QTGAL: variants seen among roughly 807,000 people sequenced by gnomAD.
QTGAL encodes queuosine-tRNA galactosyltransferase, also known as BGnT-like protein 1.
the QTGAL span, chr17:83,014,518 T>C: frequency 6.2e-7 from 1 of 1,614,038 alleles, no homozygotes; most frequent in Non-Finnish European, 8.5e-7. Context: ...CATGACGTCA[T>C]CCTGCAGTAA....
chr17:83,037,864 A>C, the QTGAL span, among the ~76,000 whole-genome samples: 1 of 152,160 alleles, frequency 6.6e-6, no homozygotes, highest in South Asian at 2.1e-4. This position sits in a 1 kb window ranked among gnomAD's most constrained non-coding sequence, Gnocchi z 5.2. Context: ...CTTTAATATT[A>C]TTGCCTTGAA....
the QTGAL span, among the ~76,000 whole-genome samples, chr17:82,972,411 T>C: frequency 3.2e-4 from 37 of 117,194 alleles, no homozygotes; most frequent in African/African-American, 3.9e-4. Context: ...TAGAAGGACC[T>C]GGTGCCGACC....
chr17:83,013,926 A>T, the QTGAL span, among the ~76,000 whole-genome samples: 1 of 152,124 alleles, frequency 6.6e-6, no homozygotes, highest in African/African-American at 2.4e-5. Context: ...AGCTCCAGGG[A>T]TCCCTGGGCC....
At chr17:83,025,790 G>A in the QTGAL span, among the ~76,000 whole-genome samples, 3 of 152,242 alleles carry the variant, frequency 2.0e-5, no homozygotes, top group Non-Finnish European at 2.9e-5. Flanking sequence ...GGGTTTCTCC[G>A]ACGGCACCAC....
chr17:83,008,138 C>T, the QTGAL span, among the ~76,000 whole-genome samples: 1 of 142,330 alleles, frequency 7.0e-6, no homozygotes, highest in Admixed American at 6.8e-5. Flanking sequence ...GTCAGATTCT[C>T]AGGGCAGGAG....
At chr17:82,959,363 G>A in the QTGAL span, among the ~76,000 whole-genome samples, 3 of 150,046 alleles carry the variant, frequency 2.0e-5, no homozygotes, top group African/African-American at 5.0e-5. Flanking sequence ...GTGTGTGCAC[G>A]TGAGTGCGTG....
the QTGAL span, among the ~76,000 whole-genome samples, chr17:83,051,417 C>T: frequency 1.3e-5 from 2 of 152,100 alleles, no homozygotes; most frequent in South Asian, 2.1e-4. Flanking sequence ...GGGGAACTGC[C>T]TGAGCTCCGA....
chr17:82,946,402 T>C, the QTGAL span, among the ~76,000 whole-genome samples: 10 of 152,220 alleles, frequency 6.6e-5, no homozygotes, highest in South Asian at 2.1e-3. Flanking sequence ...TGATAGAACT[T>C]TCCTACATTT....
chr17:83,021,304 CAT>C, the QTGAL span, among the ~76,000 whole-genome samples: 2 of 150,028 alleles, frequency 1.3e-5, no homozygotes, highest in South Asian at 2.2e-4. Context: ...TCACAGGTGA[CAT>C]AATCATTTCA....
chr17:82,983,516 A>C, the QTGAL span, among the ~76,000 whole-genome samples: 2 of 152,176 alleles, frequency 1.3e-5, no homozygotes, highest in African/African-American at 4.8e-5. Flanking sequence ...CCAGCCCCAC[A>C]CAGAACCATG....
At chr17:83,002,251 C>T in the QTGAL span, among the ~76,000 whole-genome samples, 1 of 152,250 alleles carries the variant, frequency 6.6e-6, no homozygotes, top group South Asian at 2.1e-4. Context: ...GCAGCTCAGC[C>T]ATGGCCTCCG....
chr17:82,970,072 G>A, the QTGAL span, among the ~76,000 whole-genome samples: 5 of 152,296 alleles, frequency 3.3e-5, no homozygotes, highest in East Asian at 3.9e-4. Context: ...GGATAACTTC[G>A]AGCAACCTAC....
At chr17:82,970,756 T>G in the QTGAL span, among the ~76,000 whole-genome samples, 1 of 151,536 alleles carries the variant, frequency 6.6e-6, no homozygotes, top group Non-Finnish European at 1.5e-5. Context: ...AGGTCCTCCG[T>G]GGGCTGTGAG....
the QTGAL span, among the ~76,000 whole-genome samples, chr17:82,975,266 G>A: frequency 9.7e-5 from 3 of 30,830 alleles, no homozygotes; most frequent in East Asian, 8.4e-4. Flanking sequence ...CCCAGGGGCC[G>A]GAGGCCACTT....
the QTGAL span, among the ~76,000 whole-genome samples, chr17:82,972,242 G>A: frequency 1.8e-5 from 2 of 109,762 alleles, 1 homozygote; most frequent in Non-Finnish European, 3.7e-5. Context: ...CACTCATAGG[G>A]GCCAGAAGGA....
chr17:82,976,031 G>A, the QTGAL span, among the ~76,000 whole-genome samples: 21 of 72,500 alleles, frequency 2.9e-4, 1 homozygote, highest in African/African-American at 3.4e-4. Flanking sequence ...CGAGGGCCCC[G>A]GGACAGAGCC....
At chr17:82,966,083 CTTTTTTTT>C in the QTGAL span, among the ~76,000 whole-genome samples, 6 of 141,136 alleles carry the variant, frequency 4.3e-5, no homozygotes, top group South Asian at 1.1e-3. Context: ...CTGATTTTTA[CTTTTTTTT>C]TTTTTTTGTA....
the QTGAL span, chr17:82,965,599 G>T: frequency 6.7e-7 from 1 of 1,498,452 alleles, no homozygotes; most frequent in Non-Finnish European, 9.1e-7. Flanking sequence ...CACACACAGA[G>T]ACAGGGCCCC....
the QTGAL span, among the ~76,000 whole-genome samples, chr17:83,017,847 G>A: frequency 4.9e-5 from 7 of 143,854 alleles, no homozygotes; most frequent in Non-Finnish European, 7.5e-5. Flanking sequence ...CCACAAACAC[G>A]GTGTGCCTGT....
Sources: allele counts gnomAD v4.1 joint callset (sites outside exome capture counted in the v4.1 genomes callset), GRCh38; gene constraint gnomAD v4.1.1; non-coding constraint Gnocchi (gnomAD v3.1); transcripts MANE v1.5; gene names NCBI Gene and HGNC (gene_info 2026-07-23, HGNC 2026-07-21).